Variants in GALK2 observed in about 807,000 individuals in gnomAD.
The protein encoded by GALK2 is galactokinase 2.
GALK2 carries 36 observed loss-of-function variants against 52.4 expected under a neutral mutation model. The ratio of observed to expected loss-of-function variants is 0.69; its 90% CI spans 0.53 to 0.91. GALK2 has a LOEUF of 0.91. Among genes scored for constraint, GALK2 ranks in the 40% least tolerant of loss-of-function variants. GALK2 has a pLI of 0.00. For missense variants in GALK2, 579 were observed against 559.1 expected (o/e 1.04, Z -0.36); for synonymous variants, 176 against 199.1 (o/e 0.88, Z 0.98).
At chr15:49,281,852 G>T in intron 5 of GALK2, 135 bp from the exon 6 acceptor site, 2 of 586,842 alleles carry the variant, frequency 3.4e-6, no homozygotes, top group Non-Finnish European at 6.1e-6. Context: ...TTTTAATGCA[G>T]TGCTCCAGGC....
intron 3 of GALK2, among the ~76,000 whole-genome samples, chr15:49,340,746 G>C (rs2040597444): frequency 1.3e-5 from 2 of 152,060 alleles, no homozygotes; most frequent in Non-Finnish European, 1.5e-5. Context: ...TTATATTGCT[G>C]TGCAGAAGCT....
intron 3 of GALK2, among the ~76,000 whole-genome samples, chr15:49,354,966 C>T (rs1277940256): frequency 6.6e-6 from 1 of 151,956 alleles, no homozygotes; most frequent in Non-Finnish European, 1.5e-5. Context: ...GGAGGCACCC[C>T]CCAGCAGGGG....
At chr15:49,290,366 G>A (rs1300093172) in intron 7 of GALK2, among the ~76,000 whole-genome samples, 1 of 152,256 alleles carries the variant, frequency 6.6e-6, no homozygotes, top group African/African-American at 2.4e-5. Context: ...CAAATTGGCT[G>A]TGTGGATTCT....
At chr15:49,191,096 A>T (rs2086690663) in intron 1 of GALK2, among the ~76,000 whole-genome samples, 1 of 152,156 alleles carries the variant, frequency 6.6e-6, no homozygotes, top group Admixed American at 6.6e-5. Flanking sequence ...GGCTAAACGG[A>T]GGTTGGTTTT....
intron 5 of GALK2, among the ~76,000 whole-genome samples, chr15:49,245,917 A>G (rs1486430343): frequency 6.6e-6 from 1 of 152,198 alleles, no homozygotes; most frequent in Non-Finnish European, 1.5e-5. Context: ...ACAAGCAGTT[A>G]CTTTATATAG....
chr15:49,172,872 G>T (rs1417963301), intron 1 of GALK2, among the ~76,000 whole-genome samples: 1 of 151,938 alleles, frequency 6.6e-6, no homozygotes, highest in East Asian at 1.9e-4. Flanking sequence ...AAAACTTGTT[G>T]GATTATTGCT....
Position 49,319,801 on chromosome 15 carries a change from T to G in GALK2, c.1165T>G (p.Cys389Gly). Residue 389 changes from cysteine (C) to glycine (G), a missense_variant, in exon 9 of 10, where the codon TGT becomes GGT. Coordinates refer to ENST00000560031, the MANE Select transcript of GALK2 (RefSeq NM_002044.4). The part of the protein sequence containing the change: ...CPELDQLVDI[C>G]RKFGAQGSRL... ...CGAGCTGGATCAGCTGGTGGACATCTGTCGGTGAGGCAGCCTGGTGGGGGC... is the reference window on the plus strand; with the variant it reads ...CGAGCTGGATCAGCTGGTGGACATCGGTCGGTGAGGCAGCCTGGTGGGGGC... 1 of 1,613,268 alleles carries G rather than the reference T, an allele frequency of 6.2e-7. No homozygotes were observed. The highest frequency in any genetic ancestry group is 8.5e-7 in the Non-Finnish European group (1 of 1,179,766).
chr15:49,329,062 G>A lies in GALK2; in HGVS notation c.*903G>A, dbSNP rs767049086. ...TCTCAAATACCTCTCTAATCCAAGA[G>A]GCACTTCCAAGAAATTCCACACATT... is the stretch of plus-strand genomic sequence containing the variant. On this transcript the variant is annotated 3_prime_UTR_variant, in exon 10 of 10. Transcript: ENST00000560031. 3 of 996,886 alleles carry A rather than the reference G, an allele frequency of 3.0e-6. No individual in the cohort carries two copies. The highest frequency in any genetic ancestry group is 3.6e-6 in the Non-Finnish European group (3 of 836,986). The allele number at this position is 996,886 out of a possible 1,614,324, so 61.8% of individuals were successfully genotyped here. A position where few individuals can be genotyped will look rare whatever the true frequency, so the allele number is the denominator to read the frequency against.
chr15:49,347,308 A>G (rs2041650040), intron 3 of GALK2, among the ~76,000 whole-genome samples: 1 of 152,210 alleles, frequency 6.6e-6, no homozygotes, highest in South Asian at 2.1e-4. Context: ...AACATTTTTG[A>G]AGTAGGAGAC....
intron 1 of GALK2, among the ~76,000 whole-genome samples, chr15:49,156,175 T>C (rs2084440976): frequency 6.6e-6 from 1 of 152,240 alleles, no homozygotes; most frequent in East Asian, 1.9e-4. Context: ...AAATTAGGTA[T>C]GCAGCTATCA....
intron 5 of GALK2, among the ~76,000 whole-genome samples, chr15:49,281,531 G>A (rs1287127327): frequency 6.6e-6 from 1 of 152,216 alleles, no homozygotes; most frequent in African/African-American, 2.4e-5. Flanking sequence ...ATGCCAGAGA[G>A]ACTTCATTAC....
At chr15:49,240,323 A>G (rs905216285) in intron 5 of GALK2, among the ~76,000 whole-genome samples, 3 of 152,156 alleles carry the variant, frequency 2.0e-5, no homozygotes, top group Non-Finnish European at 4.4e-5. Context: ...ACAATTTTCA[A>G]TCTGATTTGT....
At chr15:49,353,716 G>A (rs2042605095) in intron 3 of GALK2, 1 of 150,998 alleles carries the variant, frequency 6.6e-6, no homozygotes, top group Admixed American at 6.6e-5. Context: ...AAGGACTGAG[G>A]GAAAAAAGAT....
intron 1 of GALK2, among the ~76,000 whole-genome samples, chr15:49,198,195 A>T (rs1395282712): frequency 6.6e-6 from 1 of 152,084 alleles, no homozygotes; most frequent in Non-Finnish European, 1.5e-5. Context: ...TGTTGTTGAG[A>T]TGGAGTTTTG....
At chr15:49,158,400 A>G (rs2084529767) in intron 1 of GALK2, among the ~76,000 whole-genome samples, 1 of 152,250 alleles carries the variant, frequency 6.6e-6, no homozygotes, top group South Asian at 2.1e-4. Context: ...TTAGTTCAGT[A>G]CAATAATTGT....
At chr15:49,163,809 A>G (rs558625370) in intron 1 of GALK2, among the ~76,000 whole-genome samples, 1 of 152,328 alleles carries the variant, frequency 6.6e-6, no homozygotes, top group East Asian at 1.9e-4. Context: ...CTTATAGAAG[A>G]TTCTCAATGA....
chr15:49,187,630 C>G (rs867978177), intron 1 of GALK2, among the ~76,000 whole-genome samples: 1 of 152,222 alleles, frequency 6.6e-6, no homozygotes, highest in African/African-American at 2.4e-5. Flanking sequence ...GAGCTGGCAC[C>G]CAAGCTGCAA....
intron 1 of GALK2, among the ~76,000 whole-genome samples, chr15:49,181,021 ATCCTTCCTTCCT>A (rs138715818): frequency 3.2e-5 from 4 of 124,946 alleles, no homozygotes; most frequent in Middle Eastern, 4.2e-3. Flanking sequence ...TGCTAGACCA[ATCCTTCCTTCCT>A]TCCTTCCTTC....
rs2087747486 is a variant in GALK2 at position 49,201,265 on chromosome 15, C to T, written c.142+15C>T. 1.4e-5 allele frequency: 20 copies of T among 1,476,568 alleles called. No homozygotes were observed. Among genetic ancestry groups the T allele is most frequent in the Non-Finnish European group, 1.9e-5 (20 of 1,066,712 alleles). 91.5% of individuals were successfully genotyped at this position (1,476,568 alleles called of 1,614,324 possible). On this transcript the variant is annotated intron_variant, in intron 2 of 9. Transcript: ENST00000560031. ...CAACATAATAGGTATTTCAAAAGTT[C>T]CTTCTCTTAATTTTTTTCTTCATCC...
Sources: allele counts gnomAD v4.1 joint callset (sites outside exome capture counted in the v4.1 genomes callset), GRCh38; gene constraint gnomAD v4.1.1; transcripts MANE v1.5; gene names NCBI Gene and HGNC (gene_info 2026-07-23, HGNC 2026-07-21).